DKK2: variants seen among roughly 807,000 people sequenced by gnomAD.
DKK2 encodes dickkopf Wnt signaling pathway inhibitor 2, also known as dickkopf-related protein 2.
In DKK2, 11 loss-of-function variants were observed where a neutral mutation model predicts 28.1. The ratio of observed to expected loss-of-function variants is 0.39; its 90% CI spans 0.25 to 0.65. The LOEUF (loss-of-function observed/expected upper bound fraction) is 0.65. Among genes scored for constraint, DKK2 ranks in the 30% least tolerant of loss-of-function variants. The pLI is 0.47. For missense variants in DKK2, 326 were observed against 335.5 expected (o/e 0.97, Z 0.22); for synonymous variants, 135 against 126.5 (o/e 1.07, Z -0.45).
chr4:107,012,571 A>G (rs1370385196), intron 1 of DKK2, among the ~76,000 whole-genome samples: 1 of 151,282 alleles, frequency 6.6e-6, no homozygotes, highest in African/African-American at 2.4e-5. Flanking sequence ...GGTGAGTAAC[A>G]GAAGAATATA....
intron 1 of DKK2, among the ~76,000 whole-genome samples, chr4:107,033,052 T>C (rs1260065348): frequency 1.3e-5 from 2 of 151,670 alleles, no homozygotes; most frequent in Non-Finnish European, 2.9e-5. Flanking sequence ...AATATTTTAC[T>C]ATTTGTTTCT....
intron 1 of DKK2, among the ~76,000 whole-genome samples, chr4:107,023,146 T>C (rs1249074118): frequency 6.6e-6 from 1 of 152,132 alleles, no homozygotes; most frequent in East Asian, 1.9e-4. Context: ...AATTTTTCCA[T>C]AGAGTATAAT....
chr4:107,005,468 A>G (rs2110366819), intron 1 of DKK2, among the ~76,000 whole-genome samples: 1 of 152,206 alleles, frequency 6.6e-6, no homozygotes, highest in African/African-American at 2.4e-5. Context: ...AAAAAAATGA[A>G]TCAACAAAAA....
At chr4:106,932,519 T>C (rs1724519061) in intron 1 of DKK2, among the ~76,000 whole-genome samples, 1 of 152,174 alleles carries the variant, frequency 6.6e-6, no homozygotes, top group Non-Finnish European at 1.5e-5. Context: ...AACTTTTCCA[T>C]ATGGTCTCAG....
chr4:106,984,195 G>A (rs542900710), intron 1 of DKK2, among the ~76,000 whole-genome samples: 2 of 152,174 alleles, frequency 1.3e-5, no homozygotes, highest in East Asian at 3.9e-4. Flanking sequence ...AAATTATTGT[G>A]GTATTAATAA....
intron 1 of DKK2, among the ~76,000 whole-genome samples, chr4:106,939,944 A>G (rs1724667920): frequency 6.6e-6 from 1 of 152,220 alleles, no homozygotes; most frequent in African/African-American, 2.4e-5. Context: ...CTTATACCTT[A>G]TACAAAAATC....
chr4:106,959,325 A>G (rs1367048003), intron 1 of DKK2, among the ~76,000 whole-genome samples: 1 of 152,156 alleles, frequency 6.6e-6, no homozygotes, highest in Non-Finnish European at 1.5e-5. Flanking sequence ...ATATAAGTTT[A>G]TGTTTTTGAT....
chr4:106,967,046 A>G (rs796205270), intron 1 of DKK2, among the ~76,000 whole-genome samples: 3 of 152,306 alleles, frequency 2.0e-5, no homozygotes, highest in African/African-American at 7.2e-5. Context: ...AACTGTATTT[A>G]AAGCTTTACA....
intron 1 of DKK2, among the ~76,000 whole-genome samples, chr4:106,978,421 T>C (rs2110356978): frequency 6.6e-6 from 1 of 152,282 alleles, no homozygotes; most frequent in African/African-American, 2.4e-5. Context: ...GCTGCCTTTC[T>C]TTCATAGTTG....
intron 1 of DKK2, among the ~76,000 whole-genome samples, chr4:106,928,396 T>C (rs1312925145): frequency 1.3e-5 from 2 of 152,148 alleles, no homozygotes; most frequent in Non-Finnish European, 2.9e-5. Flanking sequence ...GTTATGTATA[T>C]TGGGAACTTG....
At position 107,035,866 on chromosome 4, in the gene DKK2, A is replaced by G. The variant is rs1289550163; in HGVS notation, c.-275T>C. ...ATCAAATGCGAGGCGCTTTCTCGCC[A>G]AGGAGGCGTGACCCAAGGTGCAAGA... On this transcript the variant is annotated 5_prime_UTR_variant, in exon 1 of 4. Transcript: ENST00000285311. 9.0e-5 allele frequency: 45 copies of G among 497,798 alleles called. No individual in the cohort carries two copies. Among genetic ancestry groups the G allele is most frequent in the Admixed American group, 2.0e-4 (6 of 29,412 alleles). 30.8% of individuals were successfully genotyped at this position (497,798 alleles called of 1,614,324 possible).
chr4:107,021,035 T>C (rs1723684210), intron 1 of DKK2, among the ~76,000 whole-genome samples: 1 of 152,232 alleles, frequency 6.6e-6, no homozygotes, highest in South Asian at 2.1e-4. Flanking sequence ...TATAAAATAA[T>C]ATTCCATTAT....
At chr4:106,989,524 T>G (rs900019075) in intron 1 of DKK2, among the ~76,000 whole-genome samples, 1 of 152,224 alleles carries the variant, frequency 6.6e-6, no homozygotes, top group Non-Finnish European at 1.5e-5. Flanking sequence ...AATATTTCCT[T>G]CCATTCAGGG....
intron 1 of DKK2, among the ~76,000 whole-genome samples, chr4:106,945,396 C>T (rs543952261): frequency 6.6e-6 from 1 of 152,018 alleles, no homozygotes; most frequent in East Asian, 1.9e-4. Context: ...CACAGTGTAA[C>T]AAAATGAACC....
intron 1 of DKK2, among the ~76,000 whole-genome samples, chr4:106,987,063 GCTAA>G (rs978749695): frequency 6.6e-6 from 1 of 152,122 alleles, no homozygotes; most frequent in Non-Finnish European, 1.5e-5. Context: ...ATAATTGCAT[GCTAA>G]CTATTTGAGG....
At chr4:106,949,081 A>G (rs1724821054) in intron 1 of DKK2, among the ~76,000 whole-genome samples, 1 of 152,152 alleles carries the variant, frequency 6.6e-6, no homozygotes, top group South Asian at 2.1e-4. Context: ...GATCTGTAAA[A>G]TAGCCAACAC....
chr4:106,926,885 A>G (rs999420701), intron 1 of DKK2, among the ~76,000 whole-genome samples: 2 of 152,154 alleles, frequency 1.3e-5, no homozygotes, highest in Non-Finnish European at 2.9e-5. Flanking sequence ...TGCCTCTTGG[A>G]AGTATTTGGA....
chr4:106,939,930 C>T (rs1724667501), intron 1 of DKK2, among the ~76,000 whole-genome samples: 1 of 152,150 alleles, frequency 6.6e-6, no homozygotes, highest in African/African-American at 2.4e-5. Flanking sequence ...AACTGGATCC[C>T]TTCCTTATAC....
chr4:107,020,097 T>C (rs536802025), intron 1 of DKK2, among the ~76,000 whole-genome samples: 94 of 152,072 alleles, frequency 6.2e-4, no homozygotes, highest in Non-Finnish European at 1.2e-3. Flanking sequence ...CTTAATTTTG[T>C]AAGGTTCAGG....
Sources: allele counts gnomAD v4.1 joint callset (sites outside exome capture counted in the v4.1 genomes callset), GRCh38; gene constraint gnomAD v4.1.1; transcripts MANE v1.5; gene names NCBI Gene and HGNC (gene_info 2026-07-23, HGNC 2026-07-21).